Variants in ITPR2 observed in about 807,000 individuals in gnomAD.
ITPR2 encodes the protein inositol 1,4,5-trisphosphate-gated calcium channel ITPR2.
In ITPR2, 207 loss-of-function variants were observed where a neutral mutation model predicts 317.1. The ratio of observed to expected loss-of-function variants is 0.65; its 90% CI spans 0.58 to 0.73. The LOEUF is 0.73. Ranked by LOEUF, ITPR2 falls within the 30% of genes least tolerant of loss-of-function variation. ITPR2 has a pLI of 0.00. For synonymous variants in ITPR2, 1,156 were observed against 1,149.1 expected (o/e 1.01, Z -0.12); for missense variants, 2,613 against 3,284.0 (o/e 0.80, Z 4.99).
intron 37 of ITPR2, among the ~76,000 whole-genome samples, chr12:26,499,046 C>G (rs1205002972): frequency 1.3e-5 from 2 of 152,108 alleles, no homozygotes; most frequent in Admixed American, 1.3e-4. Context: ...AGAACCCAAC[C>G]AACAGATAAA....
chr12:26,631,279 T>C (rs910874545), intron 22 of ITPR2, among the ~76,000 whole-genome samples: 2 of 152,202 alleles, frequency 1.3e-5, no homozygotes, highest in East Asian at 1.9e-4. Flanking sequence ...TAATAATTTA[T>C]CTCCTTTAAA....
intron 1 of ITPR2, among the ~76,000 whole-genome samples, chr12:26,822,157 T>C (rs1950946923): frequency 6.6e-6 from 1 of 152,198 alleles, no homozygotes; most frequent in Admixed American, 6.5e-5. Context: ...CGAGGAAATC[T>C]CTGGGATAAT....
intron 32 of ITPR2, among the ~76,000 whole-genome samples, chr12:26,595,033 CA>C (rs1945806867): frequency 6.6e-6 from 1 of 152,182 alleles, no homozygotes. Context: ...CGAGCAAGGC[CA>C]AGTCCTCAGT....
intron 2 of ITPR2, among the ~76,000 whole-genome samples, chr12:26,775,339 A>G (rs1016198959): frequency 6.2e-4 from 95 of 152,336 alleles, no homozygotes; most frequent in African/African-American, 2.2e-3. Flanking sequence ...ACAAAACACA[A>G]GTTTATTAGG....
intron 45 of ITPR2, among the ~76,000 whole-genome samples, chr12:26,452,717 G>T (rs1055912388): frequency 6.6e-6 from 1 of 152,128 alleles, no homozygotes; most frequent in Non-Finnish European, 1.5e-5. Context: ...AGGCTGCTTC[G>T]GGCTTTGCCA....
chr12:26,601,893 G>A (rs1454509472), intron 28 of ITPR2, among the ~76,000 whole-genome samples: 1 of 152,114 alleles, frequency 6.6e-6, no homozygotes, highest in Non-Finnish European at 1.5e-5. Context: ...GCATCACTCC[G>A]GTTATGTCCC....
chr12:26,747,410 T>C (rs1949342301), intron 2 of ITPR2, among the ~76,000 whole-genome samples: 1 of 152,202 alleles, frequency 6.6e-6, no homozygotes, highest in African/African-American at 2.4e-5. Context: ...CAGGTGTCTA[T>C]TACAAAGAAC....
chr12:26,782,027 TATATATGTATAGAGAGAGAGAGAGAGAG>T (rs1950099644), intron 2 of ITPR2, among the ~76,000 whole-genome samples: 2 of 26,286 alleles, frequency 7.6e-5, no homozygotes, highest in Non-Finnish European at 1.6e-4. Context: ...TATATATATA[TATATATGTATAGAGAGAGAGAGAGAGAG>T]AGAGAGAGAG....
At chr12:26,629,124 T>C (rs1157115296) in intron 22 of ITPR2, among the ~76,000 whole-genome samples, 1 of 152,160 alleles carries the variant, frequency 6.6e-6, no homozygotes, top group African/African-American at 2.4e-5. Flanking sequence ...TTCATCTCTA[T>C]CTATACCACC....
At chr12:26,468,544 AG>A (rs1158547515) in intron 45 of ITPR2, among the ~76,000 whole-genome samples, 2 of 59,670 alleles carry the variant, frequency 3.4e-5, no homozygotes, top group Admixed American at 1.7e-4. Context: ...GCTATATTCT[AG>A]GCACTGAACA....
intron 2 of ITPR2, among the ~76,000 whole-genome samples, chr12:26,768,430 A>AT (rs1274672844): frequency 3.5e-5 from 2 of 57,454 alleles, no homozygotes; most frequent in East Asian, 5.8e-4. Flanking sequence ...AAAATTAAAA[A>AT]AAAATAAAAA....
At chr12:26,523,120 C>G (rs1331913660) in intron 37 of ITPR2, among the ~76,000 whole-genome samples, 1 of 152,152 alleles carries the variant, frequency 6.6e-6, no homozygotes, top group African/African-American at 2.4e-5. Flanking sequence ...TGGTTGTTCC[C>G]CAGAGGCTCT....
At chr12:26,579,889 A>C in intron 33 of ITPR2, 138 bp downstream of exon 33, 2 of 554,596 alleles carry the variant, frequency 3.6e-6, no homozygotes, top group East Asian at 5.8e-5. Context: ...AAACTCAGAA[A>C]GAGGCATAAT....
intron 1 of ITPR2, among the ~76,000 whole-genome samples, chr12:26,797,009 T>A (rs535682771): frequency 6.6e-6 from 1 of 152,018 alleles, no homozygotes; most frequent in Admixed American, 6.6e-5. Context: ...TGCCCTCTAG[T>A]CCGGGCGACA....
rs1274121450 is a variant in ITPR2 at position 26,419,023 on chromosome 12, G to T, written c.7110+26C>A. On this transcript the variant is annotated intron_variant, in intron 50 of 56. Transcript: ENST00000381340. The stretch of plus-strand genomic sequence containing the variant: ...CAGCATTGTGTACTTTTTCAGCAGT[G>T]ATTGTCCACATAGAGATGTACTCAC... 2.5e-6 allele frequency: 4 copies of T among 1,582,878 alleles called. No homozygotes were observed. The African/African-American group carries it at 5.4e-5, about 21-fold the overall frequency.
intron 49 of ITPR2, among the ~76,000 whole-genome samples, chr12:26,422,348 T>G (rs1376884825): frequency 7.0e-5 from 4 of 57,322 alleles, no homozygotes; most frequent in Non-Finnish European, 2.0e-4. Flanking sequence ...TTAGATAATT[T>G]ATTAGTTAAA....
At chr12:26,424,579 G>A (rs11048511) in intron 49 of ITPR2, among the ~76,000 whole-genome samples, 55,764 of 129,426 alleles carry the variant, frequency 0.43, 12,525 homozygotes, top group Non-Finnish European at 0.54. Flanking sequence ...TTTTGTTTTC[G>A]TTTTGTGTTT....
intron 1 of ITPR2, among the ~76,000 whole-genome samples, chr12:26,801,729 T>C (rs764088688): frequency 1.3e-5 from 2 of 152,304 alleles, no homozygotes; most frequent in African/African-American, 2.4e-5. Context: ...AACTCTGGTA[T>C]TGGTTGTACA....
intron 4 of ITPR2, among the ~76,000 whole-genome samples, chr12:26,723,474 A>T (rs1447769156): frequency 1.3e-5 from 2 of 152,130 alleles, no homozygotes; most frequent in African/African-American, 2.4e-5. Flanking sequence ...CATAAGTTCC[A>T]CTTGCTGACA....
Sources: allele counts gnomAD v4.1 joint callset (sites outside exome capture counted in the v4.1 genomes callset), GRCh38; gene constraint gnomAD v4.1.1; transcripts MANE v1.5; gene names NCBI Gene and HGNC (gene_info 2026-07-23, HGNC 2026-07-21).